Variants in PRCC observed in about 807,000 individuals in gnomAD.
PRCC encodes the protein proline rich mitotic checkpoint control factor.
Under a neutral mutation model 44.0 loss-of-function variants are expected in PRCC, and 10 were observed. The ratio of observed to expected loss-of-function variants is 0.23; its 90% CI spans 0.14 to 0.39. PRCC has a LOEUF of 0.39. Among genes scored for constraint, PRCC ranks in the 10% least tolerant of loss-of-function variants. PRCC has a pLI of 1.00. For missense variants in PRCC, 573 were observed against 624.7 expected, an observed-to-expected ratio of 0.92 and a Z score of 0.88; for synonymous variants, 278 against 259.5, an observed-to-expected ratio of 1.07 and a Z score of -0.69.
At chr1:156,792,083 G>A (rs1381337178) in intron 4 of PRCC, among the ~76,000 whole-genome samples, 1 of 26,904 alleles carries the variant, frequency 3.7e-5, no homozygotes, top group East Asian at 9.3e-4. Context: ...TTTTTTTTTG[G>A]TAGAGACGGG....
chr1:156,768,148 T>C lies in PRCC; in HGVS notation c.377T>C (p.Ile126Thr). 1 of 1,560,254 alleles carries C rather than the reference T, an allele frequency of 6.4e-7. No homozygotes were observed. The highest frequency in any genetic ancestry group is 8.7e-7 in the Non-Finnish European group (1 of 1,152,262). ...RGPGLNLPPP[I>T]GGAGPPLGLP... ...CCTGGCCTCAATCTGCCCCCTCCAATTGGCGGTGCCGGTCCCCCGCTGGGG... is the reference window on the plus strand; with the variant it reads ...CCTGGCCTCAATCTGCCCCCTCCAACTGGCGGTGCCGGTCCCCCGCTGGGG... Residue 126 changes from isoleucine to threonine, a missense_variant, in exon 1 of 7, where the codon ATT becomes ACT. By Grantham distance (89) the Ile-to-Thr change is moderately conservative (BLOSUM62 -1). Around this residue, in one of 4 missense-constraint regions of PRCC, gnomAD observed 245 missense variants for 188.5 expected, o/e 1.30. Coordinates refer to ENST00000271526, the MANE Select transcript of PRCC (RefSeq NM_005973.5).
chr1:156,794,884 C>G, intron 5 of PRCC, 76 bp downstream of exon 5: 1 of 1,559,456 alleles, frequency 6.4e-7, no homozygotes, highest in Non-Finnish European at 8.8e-7. Context: ...CCCGTCTTGA[C>G]CCCACACCCC....
intron 2 of PRCC, among the ~76,000 whole-genome samples, chr1:156,784,401 A>G (rs942223727): frequency 2.6e-5 from 4 of 152,204 alleles, no homozygotes; most frequent in African/African-American, 9.7e-5. Context: ...ACTGTAAAGA[A>G]CAATCTTCCA....
At chr1:156,778,089 T>G (rs1327128004) in intron 1 of PRCC, among the ~76,000 whole-genome samples, 1 of 152,190 alleles carries the variant, frequency 6.6e-6, no homozygotes, top group African/African-American at 2.4e-5. Context: ...AATTTTGAAA[T>G]GTATAATACA....
At chr1:156,774,117 T>G (rs904716565) in intron 1 of PRCC, among the ~76,000 whole-genome samples, 1 of 149,528 alleles carries the variant, frequency 6.7e-6, no homozygotes, top group Non-Finnish European at 1.5e-5. Context: ...AAAGAGTTAC[T>G]GTTTAATGGG....
In PRCC at chr1:156,792,053, C is replaced by CTTTTTTTTTTTTTTTTTTTTTTTT. The variant is rs67388360; in HGVS notation, c.1179+266_1179+289dup. 1.0e-3 allele frequency among the ~76,000 whole-genome samples: 60 copies of CTTTTTTTTTTTTTTTTTTTTTTTT among 58,452 alleles called. 10 individuals are homozygous for CTTTTTTTTTTTTTTTTTTTTTTTT. Among genetic ancestry groups the CTTTTTTTTTTTTTTTTTTTTTTTT allele is most frequent in the Non-Finnish European group, 1.5e-3 (45 of 30,750 alleles). 38.3% of individuals were successfully genotyped at this position (58,452 alleles called of 152,430 possible). A position where few individuals can be genotyped will look rare whatever the true frequency, so the allele number is the denominator to read the frequency against. ...ACAGAGTCAGGGATCTAGTCCCCTTCTTTTTTTTTTTTTTTTTTTTTTTTT... is the reference window on the plus strand; with the variant it reads ...ACAGAGTCAGGGATCTAGTCCCCTTCTTTTTTTTTTTTTTTTTTTTTTTTTTTTTTTTTTTTTTTTTTTTTTTTT... On this transcript the variant is annotated intron_variant, in intron 4 of 6. Transcript: ENST00000271526.
chr1:156,783,192 A>G (rs766440517), intron 2 of PRCC, among the ~76,000 whole-genome samples: 1 of 152,106 alleles, frequency 6.6e-6, no homozygotes, highest in Non-Finnish European at 1.5e-5. Flanking sequence ...GGTGTGAGCC[A>G]CCGCGCCTGG....
chr1:156,784,015 T>C (rs1426656937), intron 2 of PRCC, among the ~76,000 whole-genome samples: 1 of 151,706 alleles, frequency 6.6e-6, no homozygotes, highest in Non-Finnish European at 1.5e-5. Flanking sequence ...GGTGCGATCT[T>C]GGCTCACTGC....
At chr1:156,794,574 C>A in intron 4 of PRCC, 91 bp from the exon 5 acceptor site, 3 of 1,491,510 alleles carry the variant, frequency 2.0e-6, no homozygotes, top group East Asian at 4.5e-5. Context: ...ATTGGTGAGT[C>A]ACAAAATCAT....
At chr1:156,792,516 C>T (rs1320518843) in intron 4 of PRCC, among the ~76,000 whole-genome samples, 1 of 152,130 alleles carries the variant, frequency 6.6e-6, no homozygotes, top group East Asian at 1.9e-4. Flanking sequence ...GGCACGATCT[C>T]AGCTCACTGC....
In PRCC at chr1:156,788,880, G is replaced by C. The variant is rs372701704; in HGVS notation, c.1083+1706G>C. 1.5e-4 allele frequency among the ~76,000 whole-genome samples: 23 copies of C among 152,068 alleles called. No homozygotes were observed. The East Asian group carries it at 4.4e-3, about 29-fold the overall frequency. ...AGGGTTTCTCCATGTTGGTCAGGCT[G>C]GTCTCGAACTCCTGACCTCAAATGA... On this transcript the variant is annotated intron_variant, in intron 3 of 6. Transcript: ENST00000271526.
chr1:156,767,847 G>A lies in PRCC; in HGVS notation c.76G>A (p.Ala26Thr). ...EAEPEPEEEEAVAPTSGPALG... is the reference protein window; with the variant it reads ...EAEPEPEEEETVAPTSGPALG... ...TGAGCCCGAGCCGGAGGAAGAGGAG[G>A]CGGTGGCTCCTACATCTGGGCCCGC... Residue 26 changes from alanine to threonine, a missense_variant, in exon 1 of 7, where the codon GCG becomes ACG. This residue lies in a region of PRCC where 245 missense variants were observed against 188.5 expected (regional missense o/e 1.30). Transcript: ENST00000271526. The A allele has an allele frequency of 6.2e-7, 1 of 1,610,126 alleles. No individual in the cohort carries two copies. Among genetic ancestry groups the A allele is most frequent in the Non-Finnish European group, 8.5e-7 (1 of 1,178,964 alleles).
intron 4 of PRCC, 38 bp downstream of exon 4, chr1:156,791,830 T>TA: frequency 1.9e-6 from 3 of 1,542,050 alleles, no homozygotes; most frequent in Non-Finnish European, 2.7e-6. Flanking sequence ...CTTTGACCGC[T>TA]GGGCACCACA....
At position 156,791,228 on chromosome 1, in the gene PRCC, T is replaced by G. The variant is rs1652461290; in HGVS notation, c.1084-469T>G. 2 of 1,162,442 alleles carry G rather than the reference T, an allele frequency of 1.7e-6. 1 individual carries two copies. The highest frequency in any genetic ancestry group is 2.4e-6 in the Non-Finnish European group (2 of 833,980). The allele number at this position is 1,162,442 out of a possible 1,614,324, so 72.0% of individuals were successfully genotyped here. The stretch of plus-strand genomic sequence containing the variant: ...GAGATCTATAACCTCCCCACCCGGT[T>G]TAGACTGTTTCCCTGTATCCACAGG... On this transcript the variant is annotated intron_variant, in intron 3 of 6. Transcript: ENST00000271526.
At chr1:156,772,151 T>A (rs774295760) in intron 1 of PRCC, among the ~76,000 whole-genome samples, 13 of 152,120 alleles carry the variant, frequency 8.5e-5, no homozygotes, top group Non-Finnish European at 1.8e-4. Flanking sequence ...GAGCCACTGC[T>A]TCTGGCCTTG....
chr1:156,780,867 T>C (rs1652026330), intron 1 of PRCC, among the ~76,000 whole-genome samples: 1 of 152,086 alleles, frequency 6.6e-6, no homozygotes, highest in Non-Finnish European at 1.5e-5. Flanking sequence ...AGCTGGGGAT[T>C]ACAGGCGCCC....
intron 2 of PRCC, among the ~76,000 whole-genome samples, chr1:156,786,403 G>A (rs935447530): frequency 2.6e-5 from 4 of 152,152 alleles, no homozygotes; most frequent in Non-Finnish European, 5.9e-5. Context: ...CCTCACCTTG[G>A]GAGAAGCAGC....
intron 5 of PRCC, among the ~76,000 whole-genome samples, chr1:156,795,190 A>G (rs1558055098): frequency 7.1e-6 from 1 of 140,016 alleles, no homozygotes; most frequent in South Asian, 2.3e-4. Context: ...TTTAATTTTT[A>G]TTCTTTTAAA....
intron 1 of PRCC, among the ~76,000 whole-genome samples, chr1:156,775,545 C>T (rs1229113925): frequency 6.7e-6 from 1 of 148,998 alleles, no homozygotes; most frequent in African/African-American, 2.5e-5. Flanking sequence ...GAGTCTCGCT[C>T]TGTCGCCCAG....
Sources: gnomAD v4.1 joint callset for allele counts (sites outside exome capture counted in the v4.1 genomes callset) on GRCh38, gnomAD v4.1.1 for gene constraint, gnomAD v4.1.1 regional missense constraint, MANE v1.5 for transcripts, NCBI Gene and HGNC (gene_info 2026-07-23, HGNC 2026-07-21) for gene names.